Variants in PRKN observed in about 807,000 individuals in gnomAD.
PRKN encodes parkin RBR E3 ubiquitin protein ligase, also known as E3 ubiquitin-protein ligase parkin.
In PRKN, 56 loss-of-function variants were observed where a neutral mutation model predicts 59.5. The observed-to-expected ratio is 0.94, with a 90% confidence interval of 0.76 to 1.18. PRKN has a LOEUF of 1.18. Among genes scored for constraint, PRKN ranks in the 50% most tolerant of loss-of-function variants. The probability of loss-of-function intolerance (pLI) is 0.00; values close to 1 mark genes in which losing one functional copy is unlikely to be tolerated. For missense variants in PRKN, 657 were observed against 596.4 expected (o/e 1.10, Z -1.06); for synonymous variants, 250 against 222.1 (o/e 1.13, Z -1.12).
chr6:162,568,818 G>A, intron 1 of PRKN: 1 of 731,198 alleles, frequency 1.4e-6, no homozygotes, highest in Non-Finnish European at 2.5e-6. Flanking sequence ...CAACATGCAG[G>A]GGCTGGTGGA....
chr6:162,208,417 T>G (rs1785049739), intron 3 of PRKN, among the ~76,000 whole-genome samples: 1 of 152,204 alleles, frequency 6.6e-6, no homozygotes, highest in South Asian at 2.1e-4. Flanking sequence ...ATTCTCAAAT[T>G]TTTGCTGGGG....
At chr6:162,226,891 G>A (rs1210026977) in intron 3 of PRKN, among the ~76,000 whole-genome samples, 3 of 152,174 alleles carry the variant, frequency 2.0e-5, no homozygotes, top group Non-Finnish European at 4.4e-5. Flanking sequence ...AATCAGTCAT[G>A]GCTCCAGTCC....
intron 1 of PRKN, among the ~76,000 whole-genome samples, chr6:162,469,141 C>G (rs1192276316): frequency 6.6e-6 from 1 of 151,908 alleles, no homozygotes; most frequent in Non-Finnish European, 1.5e-5. Context: ...CTAGTTTCAC[C>G]TTCTGGTGTA....
At chr6:162,457,621 A>G (rs1790941659) in intron 1 of PRKN, among the ~76,000 whole-genome samples, 1 of 151,410 alleles carries the variant, frequency 6.6e-6, no homozygotes, top group Non-Finnish European at 1.5e-5. Flanking sequence ...AATAAAAACT[A>G]CACAAAATCC....
At chr6:162,299,434 C>T (rs1177226148) in intron 2 of PRKN, among the ~76,000 whole-genome samples, 2 of 151,992 alleles carry the variant, frequency 1.3e-5, no homozygotes, top group South Asian at 2.1e-4. Context: ...TTGTGAGCAG[C>T]TTCTTCGATA....
At chr6:162,424,041 A>C (rs888904672) in intron 2 of PRKN, among the ~76,000 whole-genome samples, 1 of 152,210 alleles carries the variant, frequency 6.6e-6, no homozygotes. Context: ...ACTGTGGTAC[A>C]TTCCATTCAG....
intron 4 of PRKN, among the ~76,000 whole-genome samples, chr6:162,086,843 T>C (rs1893550): frequency 0.77 from 116,929 of 152,186 alleles, 45,391 homozygotes; most frequent in African/African-American, 0.88. Context: ...CAGACCTTTT[T>C]TGTCTGAATT....
intron 3 of PRKN, among the ~76,000 whole-genome samples, chr6:162,211,242 G>C (rs1583204493): frequency 6.6e-6 from 1 of 152,264 alleles, no homozygotes; most frequent in South Asian, 2.1e-4. Context: ...CACCACTGCA[G>C]GTGCTGGCTC....
intron 9 of PRKN, among the ~76,000 whole-genome samples, chr6:161,387,591 T>C (rs1380484475): frequency 6.6e-6 from 1 of 152,232 alleles, no homozygotes; most frequent in Admixed American, 6.5e-5. Context: ...AGGAAAAAAC[T>C]TCATTCAAGA....
chr6:161,868,687 T>C (rs1215512012), intron 6 of PRKN, among the ~76,000 whole-genome samples: 2 of 152,164 alleles, frequency 1.3e-5, no homozygotes, highest in Admixed American at 1.3e-4. Context: ...TCTTAATGAT[T>C]TGTAGCATAT....
Position 162,426,903 on chromosome 6 carries a change from A to T in PRKN, c.171+16407T>A, listed in dbSNP as rs190549515. ...ATGTGGGAAATCTTATACATCCAAT[A>T]ACAGCATCAAAGTTAAGGAGACAAA... On this transcript the variant is annotated intron_variant, in intron 2 of 11. Coordinates refer to ENST00000366898, the MANE Select transcript of PRKN (RefSeq NM_004562.3). 2.5e-3 allele frequency among the ~76,000 whole-genome samples: 388 copies of T among 152,368 alleles called. 2 individuals carry two copies. The highest frequency in any genetic ancestry group is 3.0e-3 in the Non-Finnish European group (206 of 68,028).
chr6:161,779,046 T>C (rs1341089273), intron 7 of PRKN, among the ~76,000 whole-genome samples: 1 of 152,114 alleles, frequency 6.6e-6, no homozygotes, highest in Non-Finnish European at 1.5e-5. Context: ...TTCAAGTGAT[T>C]CTCCTGCCTC....
chr6:162,579,134 T>G (rs1166023356), intron 1 of PRKN, among the ~76,000 whole-genome samples: 2 of 152,190 alleles, frequency 1.3e-5, no homozygotes, highest in Non-Finnish European at 2.9e-5. Context: ...GAAAAAGAAA[T>G]CAAAGCCTGT....
chr6:162,650,808 T>C (rs572897879), intron 1 of PRKN, among the ~76,000 whole-genome samples: 173 of 152,122 alleles, frequency 1.1e-3, no homozygotes, highest in African/African-American at 3.7e-3. Context: ...AGATATAAAA[T>C]TAAGGGAACT....
At chr6:162,673,954 A>AG (rs1398573490) in intron 1 of PRKN, among the ~76,000 whole-genome samples, 1 of 152,168 alleles carries the variant, frequency 6.6e-6, no homozygotes, top group East Asian at 1.9e-4. Context: ...GGAGAAATCA[A>AG]TGACTTTTTC....
chr6:162,166,683 T>C (rs1023573342), intron 4 of PRKN, among the ~76,000 whole-genome samples: 6 of 152,300 alleles, frequency 3.9e-5, no homozygotes, highest in South Asian at 4.1e-4. Flanking sequence ...GAAGGATAGA[T>C]AGATATTTAG....
intron 4 of PRKN, among the ~76,000 whole-genome samples, chr6:162,158,999 C>A (rs1173365843): frequency 1.3e-5 from 2 of 151,972 alleles, no homozygotes; most frequent in Admixed American, 1.3e-4. Context: ...TCAGGGCCAT[C>A]CACATAACGC....
At chr6:161,912,249 C>T (rs1427090746) in intron 6 of PRKN, among the ~76,000 whole-genome samples, 3 of 151,446 alleles carry the variant, frequency 2.0e-5, no homozygotes, top group African/African-American at 4.9e-5. Flanking sequence ...CTTGAGCGGA[C>T]GTTAAAACCA....
intron 4 of PRKN, among the ~76,000 whole-genome samples, chr6:162,172,462 C>T (rs1345683679): frequency 3.9e-5 from 6 of 152,134 alleles, no homozygotes; most frequent in South Asian, 2.1e-4. Flanking sequence ...AGAGCCAGGC[C>T]GGCCCACACC....
Sources: gnomAD v4.1 joint callset for allele counts (sites outside exome capture counted in the v4.1 genomes callset) on GRCh38, gnomAD v4.1.1 for gene constraint, MANE v1.5 for transcripts, NCBI Gene and HGNC (gene_info 2026-07-23, HGNC 2026-07-21) for gene names.